HK2: variants seen among roughly 807,000 people sequenced by gnomAD.
HK2 encodes hexokinase-2.
Under a neutral mutation model 92.9 loss-of-function variants are expected in HK2, and 42 were observed. The observed-to-expected ratio is 0.45, with a 90% confidence interval of 0.35 to 0.58. The LOEUF (loss-of-function observed/expected upper bound fraction) is 0.58. Among genes scored for constraint, HK2 ranks in the 20% least tolerant of loss-of-function variants. HK2 has a pLI of 0.00. For missense variants in HK2, 978 were observed against 1,245.1 expected (o/e 0.79, Z 3.23); for synonymous variants, 422 against 468.0 (o/e 0.90, Z 1.27).
chr2:74,866,377 A>G (rs1688949484), intron 2 of HK2, among the ~76,000 whole-genome samples: 2 of 152,176 alleles, frequency 1.3e-5, no homozygotes, highest in Admixed American at 6.5e-5. Context: ...ATTGCCTTGT[A>G]TCCTTGTATC....
At chr2:74,838,882 A>G (rs796582916) in intron 1 of HK2, among the ~76,000 whole-genome samples, 29 of 152,248 alleles carry the variant, frequency 1.9e-4, no homozygotes, top group African/African-American at 6.7e-4. Flanking sequence ...AAGATGCAGG[A>G]TTTTGTCATT....
intron 9 of HK2, 79 bp from the exon 10 acceptor site, chr2:74,880,186 G>T: frequency 6.7e-7 from 1 of 1,502,798 alleles, no homozygotes; most frequent in Non-Finnish European, 9.2e-7. Flanking sequence ...GGATTAAGGC[G>T]GTGGGCAACT....
intron 1 of HK2, among the ~76,000 whole-genome samples, chr2:74,839,060 C>T (rs563407975): frequency 6.6e-6 from 1 of 152,258 alleles, no homozygotes; most frequent in African/African-American, 2.4e-5. Flanking sequence ...AAGGGGTGAC[C>T]TTCAATGCTG....
chr2:74,883,777 A>G (rs773049674), intron 12 of HK2, among the ~76,000 whole-genome samples: 33 of 152,242 alleles, frequency 2.2e-4, no homozygotes, highest in Non-Finnish European at 2.8e-4. Flanking sequence ...CTTATGTACT[A>G]TTTAATGGAC....
intron 9 of HK2, among the ~76,000 whole-genome samples, chr2:74,879,427 C>G (rs547731671): frequency 6.6e-6 from 1 of 152,096 alleles, no homozygotes; most frequent in Non-Finnish European, 1.5e-5. Context: ...TACTTATTTC[C>G]CCATCATTTT....
intron 12 of HK2, among the ~76,000 whole-genome samples, chr2:74,885,193 C>G (rs901261186): frequency 1.3e-5 from 2 of 152,194 alleles, no homozygotes; most frequent in African/African-American, 2.4e-5. Flanking sequence ...GAGCAAGTCA[C>G]TCCAGAGCCT....
In HK2 at chr2:74,880,205, A is replaced by G. The variant is rs138560158; in HGVS notation, c.1266-60A>G. The G allele has an allele frequency of 3.2e-5, 51 of 1,583,450 alleles. No individual in the cohort carries two copies. In the African/African-American group the frequency reaches 4.4e-4, roughly 14 times the overall value. The stretch of plus-strand genomic sequence containing the variant: ...TAAGGCGGTGGGCAACTGTCTAACT[A>G]TTTGCACCATTGACCCTAACCATGG... On this transcript the variant is annotated intron_variant, in intron 9 of 17. Coordinates refer to ENST00000290573, the MANE Select transcript of HK2 (RefSeq NM_000189.5).
chr2:74,863,900 T>C (rs1202704551), intron 2 of HK2, among the ~76,000 whole-genome samples: 1 of 152,228 alleles, frequency 6.6e-6, no homozygotes, highest in Non-Finnish European at 1.5e-5. Flanking sequence ...TTTGTGACTT[T>C]GACCCACCTC....
At chr2:74,858,221 A>T (rs919553030) in intron 2 of HK2, among the ~76,000 whole-genome samples, 3 of 152,238 alleles carry the variant, frequency 2.0e-5, no homozygotes, top group African/African-American at 4.8e-5. Context: ...CTATTCTTTA[A>T]GAAAGTTGCT....
chr2:74,867,173 C>T (rs929537039), intron 2 of HK2, among the ~76,000 whole-genome samples: 4 of 151,648 alleles, frequency 2.6e-5, no homozygotes, highest in Admixed American at 6.6e-5. Context: ...AATGTATATG[C>T]GACAGAATAC....
At chr2:74,890,402 A>G (rs1422719531) in intron 17 of HK2, among the ~76,000 whole-genome samples, 1 of 152,208 alleles carries the variant, frequency 6.6e-6, no homozygotes, top group Admixed American at 6.5e-5. Flanking sequence ...AATCACATTC[A>G]TGAGTCCTGG....
chr2:74,890,869 G>A lies in HK2; in HGVS notation c.2682G>A (p.Glu894=), dbSNP rs1267193851. 6.2e-7 allele frequency: 1 copy of A among 1,614,228 alleles called. No individual in the cohort carries two copies. The highest frequency in any genetic ancestry group is 8.5e-7 in the Non-Finnish European group (1 of 1,180,042). ...GTGATGTGTCTTTCCTGCAGTCAGA[G>A]GATGGCAGCGGGAAGGGGGCGGCGC... The part of the protein sequence containing the change: ...PKCDVSFLQS[E]DGSGKGAALI... Residue 894 remains glutamate (E), a synonymous_variant, in exon 18 of 18, where the codon GAG becomes GAA. Transcript: ENST00000290573.
At chr2:74,847,973 A>T (rs1179271598) in intron 1 of HK2, among the ~76,000 whole-genome samples, 1 of 152,172 alleles carries the variant, frequency 6.6e-6, no homozygotes, top group East Asian at 1.9e-4. Context: ...ATAGAACTAA[A>T]CCTATGAAGC....
intron 2 of HK2, among the ~76,000 whole-genome samples, chr2:74,856,839 T>C (rs1688707019): frequency 6.6e-6 from 1 of 152,216 alleles, no homozygotes; most frequent in South Asian, 2.1e-4. Context: ...TATGTGTTCA[T>C]GTATGTGTTA....
intron 1 of HK2, 116 bp from the exon 2 acceptor site, chr2:74,854,177 T>A (rs1688637453): frequency 3.0e-6 from 3 of 988,802 alleles, no homozygotes. Context: ...TAATAATAAC[T>A]TTCTGTACAT....
chr2:74,838,450 G>A (rs1355800988), intron 1 of HK2, among the ~76,000 whole-genome samples: 1 of 151,300 alleles, frequency 6.6e-6, no homozygotes, highest in African/African-American at 2.5e-5. Flanking sequence ...CGGTCCTGAG[G>A]AGGGAGAGAG....
At chr2:74,838,800 A>G (rs1373825908) in intron 1 of HK2, among the ~76,000 whole-genome samples, 1 of 152,132 alleles carries the variant, frequency 6.6e-6, no homozygotes, top group African/African-American at 2.4e-5. Context: ...CGCCTCCCAA[A>G]GTGGTGGGAT....
At chr2:74,842,309 A>T (rs921311085) in intron 1 of HK2, among the ~76,000 whole-genome samples, 35 of 152,212 alleles carry the variant, frequency 2.3e-4, no homozygotes, top group African/African-American at 8.2e-4. Context: ...GTATTTATAT[A>T]ACCATTATGT....
At chr2:74,869,759 C>T (rs934629538) in intron 3 of HK2, among the ~76,000 whole-genome samples, 2 of 152,172 alleles carry the variant, frequency 1.3e-5, no homozygotes, top group Admixed American at 6.5e-5. Flanking sequence ...CCCATAGATC[C>T]TCCTCAAAGA....
Sources: gnomAD v4.1 joint callset for allele counts (sites outside exome capture counted in the v4.1 genomes callset) on GRCh38, gnomAD v4.1.1 for gene constraint, MANE v1.5 for transcripts, NCBI Gene and HGNC (gene_info 2026-07-23, HGNC 2026-07-21) for gene names.